MKRN2: variants seen among roughly 807,000 people sequenced by gnomAD.
MKRN2 encodes the protein makorin ring finger protein 2.
A neutral mutation model predicts 45.4 loss-of-function variants in MKRN2; 32 were observed. The observed-to-expected ratio is 0.70, with a 90% CI of 0.53 to 0.95. MKRN2 has a LOEUF of 0.95. Among genes scored for constraint, MKRN2 ranks in the 40% least tolerant of loss-of-function variants. The probability of loss-of-function intolerance (pLI) is 0.00; values close to 1 mark genes in which losing one functional copy is unlikely to be tolerated. For synonymous variants in MKRN2, 206 were observed against 192.4 expected, an observed-to-expected ratio of 1.07 and a Z score of -0.59; for missense variants, 526 against 536.7, an observed-to-expected ratio of 0.98 and a Z score of 0.20.
rs2058205145 is a variant in MKRN2, at chr3:12,583,450, A to AAAG, written c.*1199_*1201dup. The stretch of plus-strand genomic sequence containing the variant: ...ACTTAACTCTTCAGTAGAGGTTTAC[A>AAAG]AAGAGTACAAAGGTTAAATTACAAA... On this transcript the variant is annotated 3_prime_UTR_variant, in exon 8 of 8. Coordinates refer to ENST00000170447, the MANE Select transcript of MKRN2 (RefSeq NM_014160.5). The AAAG allele has an allele frequency of 5.2e-6, 1 of 192,184 alleles. No individual in the cohort carries two copies. Among genetic ancestry groups the AAAG allele is most frequent in the African/African-American group, 2.4e-5 (1 of 41,464 alleles). The allele number at this position is 192,184 out of a possible 1,614,324, so 11.9% of individuals were successfully genotyped here.
At chr3:12,570,889 A>AAAG (rs1443350120) in intron 3 of MKRN2, among the ~76,000 whole-genome samples, 18 of 147,106 alleles carry the variant, frequency 1.2e-4, no homozygotes, top group African/African-American at 4.6e-4. Context: ...CTCTCAAAAA[A>AAAG]AAAAAAAAAA....
Position 12,574,654 on chromosome 3 carries a change from T to A in MKRN2, c.643-138T>A, listed in dbSNP as rs1575521391. 1.7e-5 allele frequency: 13 copies of A among 786,554 alleles called. No individual in the cohort carries two copies. In the East Asian group the frequency reaches 3.2e-4, roughly 19 times the overall value. The allele number at this position is 786,554 out of a possible 1,614,324, so 48.7% of individuals were successfully genotyped here. A position where few individuals can be genotyped will look rare whatever the true frequency, so the allele number is the denominator to read the frequency against. Reference sequence around the variant, plus strand: ...GTCAGTGTCCTGACTTGGGGGAGCCTGGGCCTTTGCTCACAGCAGTCGCTG... The same window carrying A: ...GTCAGTGTCCTGACTTGGGGGAGCCAGGGCCTTTGCTCACAGCAGTCGCTG... On this transcript the variant is annotated intron_variant, in intron 4 of 7. Coordinates refer to ENST00000170447, the MANE Select transcript of MKRN2 (RefSeq NM_014160.5).
chr3:12,577,579 T>G (rs1013561462), intron 6 of MKRN2, among the ~76,000 whole-genome samples: 3 of 152,224 alleles, frequency 2.0e-5, no homozygotes, highest in Non-Finnish European at 4.4e-5. Flanking sequence ...TTTTCCTGAT[T>G]CTTCGTATGT....
At chr3:12,559,169 C>T (rs1311469199) in intron 1 of MKRN2, among the ~76,000 whole-genome samples, 1 of 152,122 alleles carries the variant, frequency 6.6e-6, no homozygotes, top group Non-Finnish European at 1.5e-5. Context: ...TCAGGGCTCC[C>T]GATGACTGCC....
rs779119099 is a variant in MKRN2 at position 12,582,286 on chromosome 3, A to G, written c.*33A>G. The G allele has an allele frequency of 4.3e-6, 7 of 1,609,530 alleles. No homozygotes were observed. Among genetic ancestry groups the G allele is most frequent in the African/African-American group, 1.3e-5 (1 of 74,932 alleles). On this transcript the variant is annotated 3_prime_UTR_variant, in exon 8 of 8. Transcript: ENST00000170447. ...ATGGTTGCCCTGCATCTTGGGCTCC[A>G]TCGGCCGAAACTTTCCCAAGCCAGG...
At position 12,557,158 on chromosome 3, in the gene MKRN2, C is replaced by A; in HGVS notation, c.8C>A (p.Thr3Asn). MS[T>N]KQITCRYFMH... ...TCCCTCAGCCCAGCCACCATGAGCA[C>A]CAAGCAGATCACTTGCAGGTCAGTG... Residue 3 changes from threonine to asparagine, a missense_variant, in exon 1 of 8, where the codon ACC (threonine) becomes AAC (asparagine). Physicochemically the swap from Thr to Asn is moderately conservative, Grantham distance 65. Coordinates refer to ENST00000170447, the MANE Select transcript of MKRN2 (RefSeq NM_014160.5). 1 of 1,535,126 alleles carries A rather than the reference C, an allele frequency of 6.5e-7. No homozygotes were observed. Among genetic ancestry groups the A allele is most frequent in the Non-Finnish European group, 8.7e-7 (1 of 1,143,128 alleles).
chr3:12,560,478 T>TA (rs10651248), intron 1 of MKRN2, among the ~76,000 whole-genome samples: 4,297 of 124,942 alleles, frequency 0.034, 123 homozygotes, highest in African/African-American at 0.051. Flanking sequence ...TAGGAAAATG[T>TA]AAAAAAAAAA....
intron 6 of MKRN2, among the ~76,000 whole-genome samples, chr3:12,578,931 G>A (rs559675112): frequency 7.4e-5 from 11 of 149,204 alleles, no homozygotes; most frequent in African/African-American, 2.5e-4. Flanking sequence ...AGGGCAAGGC[G>A]TGGCAAGCAG....
rs1398362564 is a variant in MKRN2 at position 12,574,973 on chromosome 3, G to A, written c.824G>A (p.Arg275Gln). The A allele has an allele frequency of 4.3e-6, 7 of 1,614,186 alleles. No homozygotes were observed. The highest frequency in any genetic ancestry group is 3.3e-5 in the South Asian group (3 of 91,086). Reference sequence around the variant, plus strand: ...TGTTTGTCCTGCATCCGGCAGTGGCGGTGTGCCAAACAGTTTGAAAACCCA... The same window carrying A: ...TGTTTGTCCTGCATCCGGCAGTGGCAGTGTGCCAAACAGTTTGAAAACCCA... ...TYCLSCIRQW[R>Q]CAKQFENPII... Residue 275 changes from arginine to glutamine, a missense_variant, in exon 5 of 8, where the codon CGG becomes CAG. Physicochemically the swap from Arg to Gln is conservative, Grantham distance 43 (BLOSUM62 1). Coordinates refer to ENST00000170447, the MANE Select transcript of MKRN2 (RefSeq NM_014160.5).
intron 1 of MKRN2, among the ~76,000 whole-genome samples, chr3:12,561,507 T>G (rs1055096792): frequency 6.6e-6 from 1 of 152,210 alleles, no homozygotes; most frequent in Non-Finnish European, 1.5e-5. Context: ...CAGTATTGGC[T>G]GGTGCAGTGG....
chr3:12,565,523 CCTTTTT>C, intron 1 of MKRN2, among the ~76,000 whole-genome samples: 1 of 130,342 alleles, frequency 7.7e-6, no homozygotes, highest in Non-Finnish European at 1.6e-5. Context: ...CCCCAACTTA[CCTTTTT>C]TTTTTTTTTT....
At chr3:12,566,337 A>G (rs2058068892) in intron 1 of MKRN2, among the ~76,000 whole-genome samples, 1 of 152,094 alleles carries the variant, frequency 6.6e-6, no homozygotes, top group African/African-American at 2.4e-5. Context: ...TATTGTCTGA[A>G]AGCAGTTGTT....
intron 6 of MKRN2, among the ~76,000 whole-genome samples, chr3:12,580,755 G>T (rs146122039): frequency 0.014 from 2,139 of 152,264 alleles, 30 homozygotes; most frequent in Admixed American, 0.045. Context: ...CACCACACCC[G>T]GCCAGAGGGC....
At chr3:12,570,423 A>G (rs1289138662) in intron 3 of MKRN2, among the ~76,000 whole-genome samples, 171 bp downstream of exon 3, 2 of 152,124 alleles carry the variant, frequency 1.3e-5, no homozygotes, top group Non-Finnish European at 2.9e-5. Flanking sequence ...GTGGCTGCAG[A>G]TCATTCAAAT....
chr3:12,558,931 C>T (rs2125298376), intron 1 of MKRN2, among the ~76,000 whole-genome samples: 1 of 152,332 alleles, frequency 6.6e-6, no homozygotes, highest in East Asian at 1.9e-4. Context: ...TGAGCCTCAG[C>T]ATTGAAGCGA....
intron 1 of MKRN2, among the ~76,000 whole-genome samples, chr3:12,564,600 C>CT: frequency 6.6e-6 from 1 of 152,130 alleles, no homozygotes; most frequent in Middle Eastern, 3.4e-3. Flanking sequence ...CCTTTTTTCT[C>CT]TTTTTTAACA....
intron 5 of MKRN2, 34 bp from the exon 6 acceptor site, chr3:12,576,597 G>T: frequency 1.3e-6 from 2 of 1,490,180 alleles, no homozygotes; most frequent in South Asian, 2.3e-5. Context: ...TTCGTAACAT[G>T]ACTTCTCCCT....
chr3:12,567,030 T>C (rs186936734), intron 1 of MKRN2, among the ~76,000 whole-genome samples: 120 of 152,360 alleles, frequency 7.9e-4, no homozygotes, highest in Admixed American at 2.2e-3. Flanking sequence ...CCATCATCTC[T>C]GTAATTCCTG....
intron 1 of MKRN2, among the ~76,000 whole-genome samples, chr3:12,566,667 A>T (rs1040986444): frequency 9.2e-5 from 14 of 152,096 alleles, no homozygotes; most frequent in Non-Finnish European, 1.6e-4. Context: ...CAATGGCGCG[A>T]TCTTGGCTCA....
Sources: allele counts gnomAD v4.1 joint callset (sites outside exome capture counted in the v4.1 genomes callset), GRCh38; gene constraint gnomAD v4.1.1; transcripts MANE v1.5; gene names NCBI Gene and HGNC (gene_info 2026-07-23, HGNC 2026-07-21).